Variants in LITAF observed in about 807,000 individuals in gnomAD.
LITAF encodes the protein lipopolysaccharide induced TNF factor, also known as lipopolysaccharide-induced tumor necrosis factor-alpha factor.
A neutral mutation model predicts 14.5 loss-of-function variants in LITAF; 9 were observed. The observed-to-expected ratio is 0.62, with a 90% CI of 0.37 to 1.08. The LOEUF (loss-of-function observed/expected upper bound fraction) is 1.08, where lower values mean the gene tolerates loss of function less well. Among genes scored for constraint, LITAF ranks in the 50% least tolerant of loss-of-function variants. The pLI, the probability that LITAF is intolerant of heterozygous loss-of-function variation, is 0.01. For synonymous variants in LITAF, 98 were observed against 88.2 expected, an observed-to-expected ratio of 1.11 and a Z score of -0.62; for missense variants, 206 against 213.4, an observed-to-expected ratio of 0.97 and a Z score of 0.22.
chr16:11,626,194 ACTT>A (rs545827166), intron 3 of LITAF, among the ~76,000 whole-genome samples: 125 of 152,128 alleles, frequency 8.2e-4, no homozygotes, highest in Non-Finnish European at 1.5e-3. Context: ...AAAAAAAAAA[ACTT>A]CTTTTTATAC....
Position 11,548,120 on chromosome 16 carries a change from T to G in LITAF, c.*1517A>C. 1 of 454,102 alleles carries G rather than the reference T, an allele frequency of 2.2e-6. No individual in the cohort carries two copies. The highest frequency in any genetic ancestry group is 4.4e-6 in the Non-Finnish European group (1 of 226,800). The allele number at this position is 454,102 out of a possible 1,614,324, so 28.1% of individuals were successfully genotyped here. Reference sequence around the variant, plus strand: ...TTTCCAAACATCAAATGAAGGGGGATCAATGGTTACCACTATCGTTTTCAA... The same window carrying G: ...TTTCCAAACATCAAATGAAGGGGGAGCAATGGTTACCACTATCGTTTTCAA... On this transcript the variant is annotated 3_prime_UTR_variant, in exon 4 of 4. Coordinates refer to ENST00000622633, the MANE Select transcript of LITAF (RefSeq NM_001136472.2).
intron 3 of LITAF, among the ~76,000 whole-genome samples, chr16:11,618,684 A>G (rs144918796): frequency 5.7e-4 from 86 of 152,190 alleles, no homozygotes; most frequent in African/African-American, 2.0e-3. Context: ...TAGAGCTGCA[A>G]ATTAAAAACC....
chr16:11,606,343 A>G (rs960975425), intron 3 of LITAF, among the ~76,000 whole-genome samples: 3 of 148,460 alleles, frequency 2.0e-5, no homozygotes. Context: ...TAATTTTTGT[A>G]TTTTTTGTAG....
intron 3 of LITAF, among the ~76,000 whole-genome samples, chr16:11,609,642 C>T (rs764534426): frequency 1.3e-5 from 2 of 152,192 alleles, no homozygotes; most frequent in Admixed American, 6.5e-5. Flanking sequence ...TGCCACTTCC[C>T]GGCTGCGTGA....
At chr16:11,564,032 G>C (rs949419339) in intron 1 of LITAF, among the ~76,000 whole-genome samples, 2 of 151,884 alleles carry the variant, frequency 1.3e-5, no homozygotes, top group African/African-American at 2.4e-5. Context: ...TCAGCCTCCC[G>C]AGAAGCTGGG....
chr16:11,637,156 G>A (rs934043388), upstream of LITAF, among the ~76,000 whole-genome samples: 1 of 152,208 alleles, frequency 6.6e-6, no homozygotes, highest in Non-Finnish European at 1.5e-5. Flanking sequence ...CTCCCACAGT[G>A]CTATGATTAT....
At chr16:11,628,160 C>A (rs139059203) in intron 3 of LITAF, among the ~76,000 whole-genome samples, 225 of 152,096 alleles carry the variant, frequency 1.5e-3, no homozygotes, top group African/African-American at 5.2e-3. Context: ...GAATCAATAC[C>A]CAAATAAGAC....
intron 3 of LITAF, among the ~76,000 whole-genome samples, chr16:11,607,158 C>T (rs1160370064): frequency 1.3e-5 from 2 of 152,178 alleles, no homozygotes; most frequent in Admixed American, 1.3e-4. Context: ...TTTTCTGTTC[C>T]AAAGTTGGGA....
chr16:11,567,751 G>A (rs540177229), intron 1 of LITAF, among the ~76,000 whole-genome samples: 7 of 152,128 alleles, frequency 4.6e-5, no homozygotes, highest in Non-Finnish European at 7.4e-5. Flanking sequence ...TTGGGAGGCC[G>A]AGGTGGGCGG....
At chr16:11,594,920 TA>T (rs369148438) in intron 1 of LITAF, among the ~76,000 whole-genome samples, 5 of 144,340 alleles carry the variant, frequency 3.5e-5, no homozygotes, top group East Asian at 2.0e-4. Context: ...AAAATAAAAA[TA>T]AAAATAAAAT....
At chr16:11,616,024 C>T (rs1597372358) in intron 3 of LITAF, among the ~76,000 whole-genome samples, 1 of 152,312 alleles carries the variant, frequency 6.6e-6, no homozygotes, top group Non-Finnish European at 1.5e-5. Flanking sequence ...ATAAGAACCA[C>T]TAGATAGGTT....
In LITAF at chr16:11,586,459, T is replaced by G. The variant is rs1336246404; in HGVS notation, c.-6+427A>C. ...GGTTTTTTTGTTTGTTTTGGTTTTGTTTCTGAACCCCCGGGGGATATTTCT... is the reference window on the plus strand; with the variant it reads ...GGTTTTTTTGTTTGTTTTGGTTTTGGTTCTGAACCCCCGGGGGATATTTCT... On this transcript the variant is annotated intron_variant, in intron 1 of 3. Transcript: ENST00000622633. This position sits in a 1 kb window ranked among gnomAD's most constrained non-coding sequence, Gnocchi z 6.5. 1.3e-5 allele frequency: 2 copies of G among 152,170 alleles called. No homozygotes were observed. The highest frequency in any genetic ancestry group is 4.8e-5 in the African/African-American group (2 of 41,440). The allele number at this position is 152,170 out of a possible 1,614,324, so 9.4% of individuals were successfully genotyped here. A position where few individuals can be genotyped will look rare whatever the true frequency, so the allele number is the denominator to read the frequency against.
chr16:11,590,113 C>A, upstream of LITAF, among the ~76,000 whole-genome samples: 1 of 81,454 alleles, frequency 1.2e-5, no homozygotes, highest in East Asian at 3.4e-4. Flanking sequence ...GGCAACATAG[C>A]GAGACCCCAT....
At chr16:11,556,802 G>A in intron 1 of LITAF, 67 bp from the exon 2 acceptor site, 3 of 1,335,672 alleles carry the variant, frequency 2.2e-6, no homozygotes, top group Non-Finnish European at 3.2e-6. Flanking sequence ...TTTCACCTAA[G>A]TCTTCAATTT....
In LITAF at chr16:11,615,609, A is replaced by G. The variant is rs1180093268; in HGVS notation, c.85+17924T>C. ...CAGCTACTCAGGAGGTGGAGGTTGC[A>G]GTGAACCGAGATTGCACCACTGCAC... On this transcript the variant is annotated intron_variant, in intron 3 of 3. Transcript: ENST00000574848. 2.0e-5 allele frequency among the ~76,000 whole-genome samples: 3 copies of G among 152,216 alleles called. No homozygotes were observed. The East Asian group carries it at 5.8e-4, about 29-fold the overall frequency.
intron 1 of LITAF, among the ~76,000 whole-genome samples, chr16:11,570,013 GA>G (rs1475856750): frequency 6.9e-6 from 1 of 145,818 alleles, no homozygotes; most frequent in Non-Finnish European, 1.5e-5. Context: ...CTGGGCCACA[GA>G]GCGAGACTTT....
At chr16:11,596,330 C>G (rs1274924772) in intron 1 of LITAF, among the ~76,000 whole-genome samples, 1 of 151,680 alleles carries the variant, frequency 6.6e-6, no homozygotes, top group Non-Finnish European at 1.5e-5. Context: ...GCCTGATCCA[C>G]TTAATAATGA....
chr16:11,609,653 C>A, intron 3 of LITAF, among the ~76,000 whole-genome samples: 1 of 152,198 alleles, frequency 6.6e-6, no homozygotes, highest in East Asian at 1.9e-4. Context: ...GGCTGCGTGA[C>A]CGTGAGCAAG....
rs1294844502 is a variant in LITAF at position 11,548,804 on chromosome 16, C to T, written c.*833G>A. On this transcript the variant is annotated 3_prime_UTR_variant, in exon 4 of 4. Transcript: ENST00000622633. ...CAGCCTGGGCAACATAGTAAGACCC[C>T]ATCTCTGTTTTTTTTTAAAAAAAAG... is the stretch of plus-strand genomic sequence containing the variant. The T allele has an allele frequency of 2.9e-5, 13 of 453,140 alleles. No individual in the cohort carries two copies. The highest frequency in any genetic ancestry group is 4.9e-5 in the Non-Finnish European group (11 of 226,640). The allele number at this position is 453,140 out of a possible 1,614,324, so 28.1% of individuals were successfully genotyped here.
Sources: gnomAD v4.1 joint callset for allele counts (sites outside exome capture counted in the v4.1 genomes callset) on GRCh38, gnomAD v4.1.1 for gene constraint, Gnocchi (gnomAD v3.1) non-coding constraint, MANE v1.5 for transcripts, NCBI Gene and HGNC (gene_info 2026-07-23, HGNC 2026-07-21) for gene names.